SEMA5A: variants seen among roughly 807,000 people sequenced by gnomAD.
SEMA5A encodes semaphorin 5A.
Under a neutral mutation model 135.5 loss-of-function variants are expected in SEMA5A, and 55 were observed. The ratio of observed to expected loss-of-function variants is 0.41; its 90% CI spans 0.33 to 0.51. The LOEUF (loss-of-function observed/expected upper bound fraction) is 0.51. SEMA5A is among the 20% of genes least tolerant of loss of function. SEMA5A has a pLI of 0.37. For missense variants in SEMA5A, 1,290 were observed against 1,419.9 expected (o/e 0.91, Z 1.47); for synonymous variants, 580 against 546.5 (o/e 1.06, Z -0.85).
At chr5:9,117,404 AC>A (rs953761259) in intron 15 of SEMA5A, among the ~76,000 whole-genome samples, 2 of 152,200 alleles carry the variant, frequency 1.3e-5, no homozygotes, top group African/African-American at 2.4e-5. Context: ...AATGTTCAGG[AC>A]CATTAGTGTT....
rs1198993203 is a variant in SEMA5A at position 9,399,374 on chromosome 5, ACATTTTACGATTC to A, written c.-77-19364_-77-19352del. On this transcript the variant is annotated intron_variant, in intron 2 of 22. Coordinates refer to ENST00000382496, the MANE Select transcript of SEMA5A (RefSeq NM_003966.3). ...AAAGAAATCAGGCACAATAGGCCAC[ACATTTTACGATTC>A]CATGTATATAAAATATCTAGAATAT... Among the ~76,000 whole-genome samples the A allele has an allele frequency of 5.9e-5, 9 of 152,336 alleles. No homozygotes were observed. The South Asian group carries it at 1.2e-3, about 21-fold the overall frequency.
chr5:9,139,627 G>C (rs531035753), intron 12 of SEMA5A, among the ~76,000 whole-genome samples: 1 of 152,146 alleles, frequency 6.6e-6, no homozygotes, highest in East Asian at 1.9e-4. Flanking sequence ...TTTATTACAT[G>C]GTCACTGGAA....
chr5:9,108,079 G>C, intron 16 of SEMA5A, 61 bp downstream of exon 16: 1 of 1,569,680 alleles, frequency 6.4e-7, no homozygotes, highest in Non-Finnish European at 8.7e-7. Flanking sequence ...AATTTTGTGT[G>C]TATTGAGTCT....
Position 9,042,890 on chromosome 5 carries a change from A to T in SEMA5A, c.*7T>A. 6.2e-7 allele frequency: 1 copy of T among 1,613,826 alleles called. No individual in the cohort carries two copies. Among genetic ancestry groups the T allele is most frequent in the Non-Finnish European group, 8.5e-7 (1 of 1,179,888 alleles). On this transcript the variant is annotated 3_prime_UTR_variant, in exon 23 of 23. Coordinates refer to ENST00000382496, the MANE Select transcript of SEMA5A (RefSeq NM_003966.3). Reference sequence around the variant, plus strand: ...GGATTTACAAGAAGCCAAAAACATGAAAGCTGTTAGTACTCATCATAATTA... The same window carrying T: ...GGATTTACAAGAAGCCAAAAACATGTAAGCTGTTAGTACTCATCATAATTA...
chr5:9,382,999 G>A (rs991664236), intron 2 of SEMA5A, among the ~76,000 whole-genome samples: 2 of 152,230 alleles, frequency 1.3e-5, no homozygotes. Flanking sequence ...TGCTGAGCAT[G>A]AAGGTGGGGA....
At chr5:9,491,621 TATC>T (rs1265668621) in intron 1 of SEMA5A, among the ~76,000 whole-genome samples, 1 of 152,204 alleles carries the variant, frequency 6.6e-6, no homozygotes, top group Non-Finnish European at 1.5e-5. Flanking sequence ...TTTAGATTTC[TATC>T]ATCAACTTCA....
At chr5:9,139,479 TG>T in intron 12 of SEMA5A, among the ~76,000 whole-genome samples, 1 of 152,340 alleles carries the variant, frequency 6.6e-6, no homozygotes, top group Non-Finnish European at 1.5e-5. Context: ...CCCAATTGTC[TG>T]TTTTCATTTC....
chr5:9,432,117 C>T (rs982486455), intron 2 of SEMA5A, among the ~76,000 whole-genome samples: 1 of 151,494 alleles, frequency 6.6e-6, no homozygotes, highest in Admixed American at 6.6e-5. Flanking sequence ...TGACAATTCT[C>T]CTGTCAGTGA....
chr5:9,076,951 T>A (rs1022808045), intron 16 of SEMA5A, among the ~76,000 whole-genome samples: 2 of 151,982 alleles, frequency 1.3e-5, no homozygotes, highest in Admixed American at 1.3e-4. Context: ...CACTTATGTC[T>A]CTTCTAATCA....
intron 4 of SEMA5A, among the ~76,000 whole-genome samples, chr5:9,319,309 G>A (rs1352864658): frequency 2.0e-5 from 3 of 152,140 alleles, no homozygotes; most frequent in Non-Finnish European, 4.4e-5. Context: ...CTGCCCAAAG[G>A]AAACTGATGA....
At chr5:9,474,970 G>A (rs1259918595) in intron 1 of SEMA5A, among the ~76,000 whole-genome samples, 1 of 152,168 alleles carries the variant, frequency 6.6e-6, no homozygotes, top group African/African-American at 2.4e-5. Context: ...TAGAAACCGA[G>A]CCTCACTGTC....
rs538747028 is a variant in SEMA5A, at chr5:9,357,309, T to C, written c.125-19497A>G. Among the ~76,000 whole-genome samples, 10 of 152,270 alleles carry C rather than the reference T, an allele frequency of 6.6e-5. No individual in the cohort carries two copies. In the East Asian group the frequency reaches 1.9e-3, roughly 29 times the overall value. The stretch of plus-strand genomic sequence containing the variant: ...CACCAAAGGATGTGTAGTCCTTGCT[T>C]AGGAATATGAAAGGGGAAAACTGCA... On this transcript the variant is annotated intron_variant, in intron 3 of 22. Transcript: ENST00000382496.
intron 5 of SEMA5A, among the ~76,000 whole-genome samples, chr5:9,265,258 T>C (rs893378912): frequency 6.6e-6 from 1 of 152,254 alleles, no homozygotes; most frequent in South Asian, 2.1e-4. Flanking sequence ...TAATTACATA[T>C]TCCCCTCCTG....
chr5:9,421,904 C>G (rs190441820), intron 2 of SEMA5A, among the ~76,000 whole-genome samples: 1 of 152,204 alleles, frequency 6.6e-6, no homozygotes, highest in East Asian at 1.9e-4. Flanking sequence ...TTAGAAATAC[C>G]AACCTTATGC....
intron 21 of SEMA5A, among the ~76,000 whole-genome samples, chr5:9,048,901 G>A (rs1736411860): frequency 6.6e-6 from 1 of 152,152 alleles, no homozygotes; most frequent in South Asian, 2.1e-4. Flanking sequence ...CTGTTAGTTA[G>A]TGAACTCACT....
intron 16 of SEMA5A, among the ~76,000 whole-genome samples, chr5:9,091,525 C>G (rs1020793644): frequency 6.6e-6 from 1 of 152,144 alleles, no homozygotes; most frequent in Non-Finnish European, 1.5e-5. Flanking sequence ...AGTACATCTC[C>G]TTACAAGCAC....
At chr5:9,113,596 A>T (rs1234809714) in intron 15 of SEMA5A, among the ~76,000 whole-genome samples, 1 of 152,240 alleles carries the variant, frequency 6.6e-6, no homozygotes, top group Non-Finnish European at 1.5e-5. Flanking sequence ...AAAATAAATT[A>T]GTTATTGAAA....
chr5:9,478,888 G>C (rs1454199172), intron 1 of SEMA5A, among the ~76,000 whole-genome samples: 1 of 152,188 alleles, frequency 6.6e-6, no homozygotes, highest in African/African-American at 2.4e-5. Flanking sequence ...GCCAGGGTGG[G>C]ATGATATGGC....
At chr5:9,124,838 C>T (rs78256085) in intron 13 of SEMA5A, among the ~76,000 whole-genome samples, 2,459 of 152,190 alleles carry the variant, frequency 0.016, 28 homozygotes, top group African/African-American at 0.041. Context: ...ATGAGTGAAC[C>T]GCATGCTTTC....
Sources: gnomAD v4.1 joint callset for allele counts (sites outside exome capture counted in the v4.1 genomes callset) on GRCh38, gnomAD v4.1.1 for gene constraint, MANE v1.5 for transcripts, NCBI Gene and HGNC (gene_info 2026-07-23, HGNC 2026-07-21) for gene names.